RANBP17: variants seen among roughly 807,000 people sequenced by gnomAD.
RANBP17 encodes RAN binding protein 17.
In RANBP17, 158 loss-of-function variants were observed where a neutral mutation model predicts 141.2. The observed-to-expected ratio is 1.12, with a 90% CI of 0.98 to 1.28. The LOEUF (loss-of-function observed/expected upper bound fraction) is 1.28. Ranked by LOEUF, RANBP17 falls within the 50% of genes most tolerant of loss-of-function variation. RANBP17 has a pLI of 0.00. For missense variants in RANBP17, 1,438 were observed against 1,290.7 expected, an observed-to-expected ratio of 1.11 and a Z score of -1.75; for synonymous variants, 430 against 450.0, an observed-to-expected ratio of 0.96 and a Z score of 0.56.
At chr5:171,088,004 A>C (rs1269293242) in intron 14 of RANBP17, among the ~76,000 whole-genome samples, 3 of 151,284 alleles carry the variant, frequency 2.0e-5, no homozygotes, top group Admixed American at 6.6e-5. Flanking sequence ...TGATCCTGTC[A>C]TTATGATGTT....
intron 14 of RANBP17, among the ~76,000 whole-genome samples, chr5:171,068,607 G>A (rs1279282292): frequency 7.8e-6 from 1 of 127,574 alleles, no homozygotes; most frequent in East Asian, 2.3e-4. Flanking sequence ...TTGTTGTTGA[G>A]ACAGAGTCTC....
At position 171,157,759 on chromosome 5, in the gene RANBP17, A is replaced by G. The variant is rs1224014192; in HGVS notation, c.1711-12371A>G. On this transcript the variant is annotated intron_variant, in intron 14 of 27. Coordinates refer to ENST00000523189, the MANE Select transcript of RANBP17 (RefSeq NM_022897.5). The stretch of plus-strand genomic sequence containing the variant: ...ACAGTAACTGCATCCATTAGCCATA[A>G]GTTTTGTTTCTTTATTTTAGTAGAT... Among the ~76,000 whole-genome samples the G allele has an allele frequency of 3.3e-5, 5 of 152,230 alleles. 1 individual carries two copies. Among genetic ancestry groups the G allele is most frequent in the Admixed American group, 3.3e-4 (5 of 15,286 alleles).
chr5:171,287,117 A>G (rs1353524680), intron 25 of RANBP17, among the ~76,000 whole-genome samples: 1 of 152,222 alleles, frequency 6.6e-6, no homozygotes, highest in African/African-American at 2.4e-5. Context: ...ACTGAATCAG[A>G]ATGAAGGACA....
At chr5:170,989,023 C>T (rs1778336802) in intron 14 of RANBP17, among the ~76,000 whole-genome samples, 1 of 151,722 alleles carries the variant, frequency 6.6e-6, no homozygotes, top group Admixed American at 6.6e-5. Flanking sequence ...GAATACACGT[C>T]AGTAACTTTG....
At chr5:171,172,365 G>T (rs773380021) in intron 16 of RANBP17, among the ~76,000 whole-genome samples, 1 of 151,588 alleles carries the variant, frequency 6.6e-6, no homozygotes, top group Non-Finnish European at 1.5e-5. Flanking sequence ...AGGATTTCAG[G>T]ATTCTTTTTA....
At chr5:170,964,263 CAT>C (rs2127520903) in intron 13 of RANBP17, among the ~76,000 whole-genome samples, 1 of 152,140 alleles carries the variant, frequency 6.6e-6, no homozygotes, top group Non-Finnish European at 1.5e-5. Context: ...TGTGAAATGA[CAT>C]ATGCAAGATT....
At chr5:171,120,397 A>G (rs75383324) in intron 14 of RANBP17, among the ~76,000 whole-genome samples, 2 of 152,174 alleles carry the variant, frequency 1.3e-5, no homozygotes, top group African/African-American at 2.4e-5. Flanking sequence ...CTGCTATTCT[A>G]TTCTACTGTG....
At chr5:171,072,831 G>A (rs1257571970) in intron 14 of RANBP17, among the ~76,000 whole-genome samples, 1 of 152,104 alleles carries the variant, frequency 6.6e-6, no homozygotes, top group Admixed American at 6.6e-5. Flanking sequence ...ACAAAAACTA[G>A]GAACAACCAA....
chr5:170,862,071 C>T lies in RANBP17; in HGVS notation c.18+20C>T, dbSNP rs985100112. ...TTCCAGGTCAGTGTGCTCTGCGCCG[C>T]GGGCCCGCGCTCCGCCACGCTGGGA... On this transcript the variant is annotated intron_variant, in intron 1 of 27. Transcript: ENST00000523189. 1.2e-5 allele frequency: 17 copies of T among 1,446,716 alleles called. No individual in the cohort carries two copies. The highest frequency in any genetic ancestry group is 1.5e-5 in the African/African-American group (1 of 67,468). The allele number at this position is 1,446,716 out of a possible 1,614,324, so 89.6% of individuals were successfully genotyped here. A position where few individuals can be genotyped will look rare whatever the true frequency, so the allele number is the denominator to read the frequency against.
chr5:171,274,145 T>TGCGC lies in RANBP17; in HGVS notation c.2943+8299_2943+8300insCGCG, dbSNP rs1275562908. Among the ~76,000 whole-genome samples the TGCGC allele has an allele frequency of 1.8e-4, 23 of 129,694 alleles. No individual in the cohort carries two copies. The East Asian group carries it at 4.3e-3, about 24-fold the overall frequency. The allele number at this position is 129,694 out of a possible 152,430, so 85.1% of individuals were successfully genotyped here. A position where few individuals can be genotyped will look rare whatever the true frequency, so the allele number is the denominator to read the frequency against. On this transcript the variant is annotated intron_variant, in intron 25 of 27. Coordinates refer to ENST00000523189, the MANE Select transcript of RANBP17 (RefSeq NM_022897.5). Reference sequence around the variant, plus strand: ...GTGTGTGTGTGTGTGTGTGTGTGTGTGTGTGCGCGCGCGCGCGCGTGCGCA... The same window carrying TGCGC: ...GTGTGTGTGTGTGTGTGTGTGTGTGTGCGCGTGTGCGCGCGCGCGCGCGTGCGCA...
At chr5:171,015,827 C>T (rs946056172) in intron 14 of RANBP17, among the ~76,000 whole-genome samples, 1 of 152,076 alleles carries the variant, frequency 6.6e-6, no homozygotes, top group Non-Finnish European at 1.5e-5. Flanking sequence ...GTACTTGATG[C>T]ACCATGAATT....
At chr5:171,051,051 G>A (rs1782920413) in intron 14 of RANBP17, among the ~76,000 whole-genome samples, 1 of 151,964 alleles carries the variant, frequency 6.6e-6, no homozygotes, top group African/African-American at 2.4e-5. Context: ...ATGTTCATTT[G>A]GATTGTTATT....
At chr5:170,965,579 G>T (rs1223089536) in intron 13 of RANBP17, among the ~76,000 whole-genome samples, 1 of 151,962 alleles carries the variant, frequency 6.6e-6, no homozygotes. Flanking sequence ...TTTTGTATAA[G>T]GTGTAAGGAA....
intron 25 of RANBP17, among the ~76,000 whole-genome samples, chr5:171,290,945 A>G (rs1450937333): frequency 1.3e-5 from 2 of 152,200 alleles, no homozygotes; most frequent in Admixed American, 6.5e-5. Context: ...CAGCCCTTTG[A>G]AGTAGCTGTT....
At position 170,953,630 on chromosome 5, in the gene RANBP17, C is replaced by G. The variant is rs1775376504; in HGVS notation, c.1502C>G (p.Thr501Arg). 8 of 1,611,488 alleles carry G rather than the reference C, an allele frequency of 5.0e-6. No homozygotes were observed. The highest frequency in any genetic ancestry group is 6.8e-6 in the Non-Finnish European group (8 of 1,178,168). ...GCATGGCTGGTATACTTAGTTGGGACAGTTGTAGGAGGAAGATTAACATAT... is the reference window on the plus strand; with the variant it reads ...GCATGGCTGGTATACTTAGTTGGGAGAGTTGTAGGAGGAAGATTAACATAT... The part of the protein sequence containing the change: ...RLAWLVYLVG[T>R]VVGGRLTYTS... Residue 501 changes from threonine (T) to arginine (R), a missense_variant, in exon 13 of 28, where the codon ACA becomes AGA. Physicochemically the swap from Thr to Arg is moderately conservative, Grantham distance 71. Transcript: ENST00000523189.
chr5:171,080,237 CACACAAA>C (rs1391372437), intron 14 of RANBP17, among the ~76,000 whole-genome samples: 1 of 108,198 alleles, frequency 9.2e-6, no homozygotes, highest in Non-Finnish European at 2.0e-5. Flanking sequence ...TACATACACA[CACACAAA>C]ACACACACAC....
At chr5:171,231,768 A>T (rs867857994) in intron 22 of RANBP17, among the ~76,000 whole-genome samples, 5 of 152,194 alleles carry the variant, frequency 3.3e-5, no homozygotes, top group Admixed American at 6.5e-5. Flanking sequence ...AATTATAAAA[A>T]TGTCCCTAAC....
chr5:171,012,691 G>T (rs1780139473), intron 14 of RANBP17, among the ~76,000 whole-genome samples: 1 of 152,074 alleles, frequency 6.6e-6, no homozygotes, highest in African/African-American at 2.4e-5. Context: ...TCTTGTTTAA[G>T]TCATTATTTG....
At chr5:171,217,805 T>G (rs556991900) in intron 21 of RANBP17, among the ~76,000 whole-genome samples, 1 of 152,322 alleles carries the variant, frequency 6.6e-6, no homozygotes, top group South Asian at 2.1e-4. Context: ...TTAGTCTAGC[T>G]AGTGGTCCAT....
Sources: gnomAD v4.1 joint callset for allele counts (sites outside exome capture counted in the v4.1 genomes callset) on GRCh38, gnomAD v4.1.1 for gene constraint, MANE v1.5 for transcripts, NCBI Gene and HGNC (gene_info 2026-07-23, HGNC 2026-07-21) for gene names.